Variants in MGAT4C observed in about 807,000 individuals in gnomAD.
MGAT4C encodes the protein MGAT4 family member C.
Under a neutral mutation model 40.1 loss-of-function variants are expected in MGAT4C, and 19 were observed. The observed-to-expected ratio is 0.47, with a 90% CI of 0.33 to 0.70. The LOEUF (loss-of-function observed/expected upper bound fraction) is 0.70. Among genes scored for constraint, MGAT4C ranks in the 30% least tolerant of loss-of-function variants. The pLI, the probability that MGAT4C is intolerant of heterozygous loss-of-function variation, is 0.02. For missense variants in MGAT4C, 491 were observed against 563.2 expected, an observed-to-expected ratio of 0.87 and a Z score of 1.30; for synonymous variants, 181 against 187.1, an observed-to-expected ratio of 0.97 and a Z score of 0.27.
At chr12:86,327,004 C>A (rs2136169043) in intron 4 of MGAT4C, among the ~76,000 whole-genome samples, 1 of 152,070 alleles carries the variant, frequency 6.6e-6, no homozygotes, top group South Asian at 2.1e-4. Flanking sequence ...GCTCATCCAC[C>A]CTTTCTAAAA....
At chr12:86,228,724 T>A (rs1419168743) in intron 1 of MGAT4C, among the ~76,000 whole-genome samples, 1 of 151,914 alleles carries the variant, frequency 6.6e-6, no homozygotes, top group Non-Finnish European at 1.5e-5. Flanking sequence ...AGACTCTAAT[T>A]TAAAACTAAA....
At chr12:86,202,891 A>G (rs1227922771) in intron 1 of MGAT4C, among the ~76,000 whole-genome samples, 1 of 151,776 alleles carries the variant, frequency 6.6e-6, no homozygotes, top group African/African-American at 2.4e-5. Context: ...CCAAATTTTT[A>G]TTTACTTTCC....
chr12:86,800,292 T>C (rs1952201972), intron 1 of MGAT4C, among the ~76,000 whole-genome samples: 1 of 151,944 alleles, frequency 6.6e-6, no homozygotes, highest in Non-Finnish European at 1.5e-5. Flanking sequence ...CACTGAGTGA[T>C]TCTGGATCCT....
intron 1 of MGAT4C, among the ~76,000 whole-genome samples, chr12:86,734,793 A>G (rs143348458): frequency 3.3e-5 from 5 of 152,174 alleles, no homozygotes; most frequent in African/African-American, 4.8e-5. Context: ...GTAGTATTCT[A>G]TTATACAGTA....
chr12:86,665,707 A>G (rs1964089083), intron 2 of MGAT4C, among the ~76,000 whole-genome samples: 1 of 152,166 alleles, frequency 6.6e-6, no homozygotes, highest in African/African-American at 2.4e-5. Flanking sequence ...AATATACAAT[A>G]TTTTTAAATT....
intron 2 of MGAT4C, among the ~76,000 whole-genome samples, chr12:86,493,290 T>A (rs1312796967): frequency 6.6e-6 from 1 of 151,810 alleles, no homozygotes; most frequent in Admixed American, 6.6e-5. Flanking sequence ...AGCTATCCCA[T>A]TACTGGGTAT....
intron 1 of MGAT4C, among the ~76,000 whole-genome samples, chr12:86,750,222 T>C (rs1951214008): frequency 6.6e-6 from 1 of 151,826 alleles, no homozygotes; most frequent in East Asian, 1.9e-4. Context: ...CAGGAACATA[T>C]GTGCAAGGAA....
chr12:86,725,119 A>G (rs1181361183), intron 2 of MGAT4C, among the ~76,000 whole-genome samples: 1 of 152,214 alleles, frequency 6.6e-6, no homozygotes, highest in Admixed American at 6.5e-5. Flanking sequence ...ACATCTGAAT[A>G]TTATGGAATT....
chr12:86,075,957 C>T (rs1239304539), intron 1 of MGAT4C, among the ~76,000 whole-genome samples: 2 of 152,202 alleles, frequency 1.3e-5, no homozygotes, highest in Non-Finnish European at 2.9e-5. Context: ...CTCCTTGCTA[C>T]TTATGCAAAT....
At chr12:86,625,255 G>A (rs1430875840) in intron 2 of MGAT4C, among the ~76,000 whole-genome samples, 1 of 152,034 alleles carries the variant, frequency 6.6e-6, no homozygotes, top group African/African-American at 2.4e-5. Flanking sequence ...CCCTAGCCGT[G>A]CAGAACTGTA....
At chr12:86,438,951 T>A (rs907691062) in intron 2 of MGAT4C, among the ~76,000 whole-genome samples, 2 of 151,938 alleles carry the variant, frequency 1.3e-5, no homozygotes, top group Admixed American at 6.6e-5. Flanking sequence ...AATATATATA[T>A]GCACTGTAGC....
At chr12:86,056,773 G>T (rs952588174) in intron 1 of MGAT4C, among the ~76,000 whole-genome samples, 1 of 151,984 alleles carries the variant, frequency 6.6e-6, no homozygotes, top group Admixed American at 6.6e-5. Context: ...TGGATCAAAT[G>T]GTATTTCTAG....
At chr12:86,385,533 C>G (rs138743127) in intron 3 of MGAT4C, among the ~76,000 whole-genome samples, 2 of 152,320 alleles carry the variant, frequency 1.3e-5, no homozygotes, top group Non-Finnish European at 2.9e-5. Flanking sequence ...CCTCAGCTGT[C>G]TGTAAGATAA....
intron 1 of MGAT4C, among the ~76,000 whole-genome samples, chr12:86,085,228 T>A (rs1222904392): frequency 6.6e-6 from 1 of 152,130 alleles, no homozygotes; most frequent in African/African-American, 2.4e-5. Context: ...TTTGTCAAGT[T>A]TGGCTTTTGT....
At chr12:86,599,155 C>T (rs986805366) in intron 2 of MGAT4C, among the ~76,000 whole-genome samples, 14 of 152,012 alleles carry the variant, frequency 9.2e-5, no homozygotes, top group Non-Finnish European at 5.9e-5. Context: ...TTATATTTAT[C>T]AACCTTAGAA....
At chr12:86,386,235 T>C (rs1241874155) in intron 3 of MGAT4C, among the ~76,000 whole-genome samples, 1 of 152,116 alleles carries the variant, frequency 6.6e-6, no homozygotes, top group Non-Finnish European at 1.5e-5. Flanking sequence ...ATTTTTGAGA[T>C]TCAACTATGT....
chr12:86,591,429 T>C (rs1961326199), intron 2 of MGAT4C, among the ~76,000 whole-genome samples: 1 of 152,016 alleles, frequency 6.6e-6, no homozygotes, highest in Non-Finnish European at 1.5e-5. Context: ...TCTGCCATAT[T>C]GAATAAAATA....
chr12:86,236,669 A>C (rs1232384496), intron 1 of MGAT4C, among the ~76,000 whole-genome samples: 1 of 152,004 alleles, frequency 6.6e-6, no homozygotes, highest in Non-Finnish European at 1.5e-5. Context: ...GGAAACAGTG[A>C]ACAGGTAGTT....
intron 3 of MGAT4C, among the ~76,000 whole-genome samples, chr12:86,365,708 T>A (rs1592748827): frequency 6.6e-6 from 1 of 150,496 alleles, no homozygotes; most frequent in African/African-American, 2.5e-5. Context: ...TCTCTGAAGA[T>A]CAAATGGTTG....
Sources: allele counts gnomAD v4.1 joint callset (sites outside exome capture counted in the v4.1 genomes callset), GRCh38; gene constraint gnomAD v4.1.1; transcripts MANE v1.5; gene names NCBI Gene and HGNC (gene_info 2026-07-23, HGNC 2026-07-21).